The following RTL10 variants were observed in gnomAD, a reference collection of about 807,000 sequenced individuals.
RTL10 encodes protein Bop.
For synonymous variants in RTL10, 199 were observed against 188.4 expected (o/e 1.06, Z -0.46); for missense variants, 477 against 470.7 (o/e 1.01, Z -0.12).
intron 2 of RTL10, among the ~76,000 whole-genome samples, chr22:19,853,979 A>C (rs1039896190): frequency 6.6e-6 from 1 of 151,766 alleles, no homozygotes; most frequent in African/African-American, 2.4e-5. Flanking sequence ...CCAGTCCCCT[A>C]CCCTGCCCAC....
In RTL10 at chr22:19,850,035, C is replaced by G. The variant is rs981584032; in HGVS notation, c.*1132G>C. 1.0e-6 allele frequency: 1 copy of G among 985,782 alleles called. No individual in the cohort carries two copies. The allele number at this position is 985,782 out of a possible 1,614,324, so 61.1% of individuals were successfully genotyped here. On this transcript the variant is annotated 3_prime_UTR_variant, in exon 3 of 3. Transcript: ENST00000328554. ...TGGTCCTCACTTCACCTACAGCTCT[C>G]GGAAGTCAGTTCTCTACCTGCAGAG...
rs1938002744 is a variant in RTL10, at chr22:19,847,861, TAACATTGAAATCTTTA to T, written c.*3290_*3305del. On this transcript the variant is annotated 3_prime_UTR_variant, in exon 3 of 3. Coordinates refer to ENST00000328554, the MANE Select transcript of RTL10 (RefSeq NM_024627.6). ...TTTTCCTCTAGTACTTTCATAATTGTAACATTGAAATCTTTAATCTGGAATATGTACTGGCATAAAG... is the reference window on the plus strand; with the variant it reads ...TTTTCCTCTAGTACTTTCATAATTGTATCTGGAATATGTACTGGCATAAAG... 1.0e-6 allele frequency: 1 copy of T among 952,682 alleles called. No homozygotes were observed. The highest frequency in any genetic ancestry group is 6.3e-5 in the Admixed American group (1 of 15,998). The allele number at this position is 952,682 out of a possible 1,614,324, so 59.0% of individuals were successfully genotyped here.
rs1938000434 is a variant in RTL10, at chr22:19,847,818, A to AG, written c.*3348_*3349insC. 3.2e-6 allele frequency: 3 copies of AG among 944,248 alleles called. No individual in the cohort carries two copies. The African/African-American group carries it at 5.4e-5, about 17-fold the overall frequency. 58.5% of individuals were successfully genotyped at this position (944,248 alleles called of 1,614,324 possible). A position where few individuals can be genotyped will look rare whatever the true frequency, so the allele number is the denominator to read the frequency against. ...GGAATCATAGGCAAAAAAAAAAAAA[A>AG]AAAAAAATTCACCCATATTTTCCTC... is the stretch of plus-strand genomic sequence containing the variant. On this transcript the variant is annotated 3_prime_UTR_variant, in exon 3 of 3. Coordinates refer to ENST00000328554, the MANE Select transcript of RTL10 (RefSeq NM_024627.6).
rs1601357141 is a variant in RTL10 at position 19,850,621 on chromosome 22, T to C, written c.*546A>G. The C allele has an allele frequency of 2.5e-6, 3 of 1,217,312 alleles. No individual in the cohort carries two copies. The highest frequency in any genetic ancestry group is 3.1e-6 in the Non-Finnish European group (3 of 979,476). 75.4% of individuals were successfully genotyped at this position (1,217,312 alleles called of 1,614,324 possible). A position where few individuals can be genotyped will look rare whatever the true frequency, so the allele number is the denominator to read the frequency against. On this transcript the variant is annotated 3_prime_UTR_variant, in exon 3 of 3. Transcript: ENST00000328554. ...CTTTGCCAAGATGCTATCCCACTCA[T>C]CCCCCAGAATCAAAGTGGCCACTTC...
Position 19,849,172 on chromosome 22 carries a change from G to A in RTL10, c.*1995C>T. 1 of 985,370 alleles carries A rather than the reference G, an allele frequency of 1.0e-6. No individual in the cohort carries two copies. Among genetic ancestry groups the A allele is most frequent in the Non-Finnish European group, 1.2e-6 (1 of 829,922 alleles). The allele number at this position is 985,370 out of a possible 1,614,324, so 61.0% of individuals were successfully genotyped here. A position where few individuals can be genotyped will look rare whatever the true frequency, so the allele number is the denominator to read the frequency against. ...TTTCTTCTGCCAGCTCACTTGCTTT[G>A]CTACCAGGGCTATACCTGCTTTCTA... On this transcript the variant is annotated 3_prime_UTR_variant, in exon 3 of 3. Transcript: ENST00000328554.
chr22:19,852,556 G>A (rs766110604), intron 2 of RTL10, 70 bp from the exon 3 acceptor site: 2 of 383,906 alleles, frequency 5.2e-6, no homozygotes, highest in South Asian at 1.1e-4. Context: ...GGTGGGAAGA[G>A]GCTACAAGCG....
rs1267138413 is a variant in RTL10 at position 19,851,422 on chromosome 22, G to A, written c.840C>T (p.Ser280=). ...AGGCTGGTTCCACAGGACCAGGCTT[G>A]GAGCTACATGTAGAACTGGGCAGGA... is the stretch of plus-strand genomic sequence containing the variant. The part of the protein sequence containing the change: ...PPVLPSSTCS[S]KPGPVEPASS... The change falls in exon 3 of 3, where the codon TCC becomes TCT. Residue 280 remains serine, a synonymous_variant. Coordinates refer to ENST00000328554, the MANE Select transcript of RTL10 (RefSeq NM_024627.6). The A allele has an allele frequency of 2.5e-6, 4 of 1,614,072 alleles. No homozygotes were observed. The highest frequency in any genetic ancestry group is 3.3e-5 in the Admixed American group (2 of 60,024).
At position 19,847,819 on chromosome 22, in the gene RTL10, A is replaced by AAAAAAAAAAAAAAAAC; in HGVS notation, c.*3347_*3348insGTTTTTTTTTTTTTTT. On this transcript the variant is annotated 3_prime_UTR_variant, in exon 3 of 3. Transcript: ENST00000328554. ...GAATCATAGGCAAAAAAAAAAAAAAAAAAAAATTCACCCATATTTTCCTCT... is the reference window on the plus strand; with the variant it reads ...GAATCATAGGCAAAAAAAAAAAAAAAAAAAAAAAAAAAAAACAAAAAATTCACCCATATTTTCCTCT... 1.1e-6 allele frequency: 1 copy of AAAAAAAAAAAAAAAAC among 943,520 alleles called. No individual in the cohort carries two copies. Among genetic ancestry groups the AAAAAAAAAAAAAAAAC allele is most frequent in the Non-Finnish European group, 1.3e-6 (1 of 793,218 alleles). 58.4% of individuals were successfully genotyped at this position (943,520 alleles called of 1,614,324 possible). A position where few individuals can be genotyped will look rare whatever the true frequency, so the allele number is the denominator to read the frequency against.
At position 19,850,507 on chromosome 22, in the gene RTL10, G is replaced by A. The variant is rs1938069105; in HGVS notation, c.*660C>T. The A allele has an allele frequency of 1.7e-5, 18 of 1,052,502 alleles. No homozygotes were observed. The highest frequency in any genetic ancestry group is 2.1e-5 in the Non-Finnish European group (18 of 873,794). 65.2% of individuals were successfully genotyped at this position (1,052,502 alleles called of 1,614,324 possible). ...ACACAAAGGGCGAATGCCTGCAGCT[G>A]AGCCTGGCAAGGGGCTTGCATCCCA... On this transcript the variant is annotated 3_prime_UTR_variant, in exon 3 of 3. Transcript: ENST00000328554.
rs1196232901 is a variant in RTL10, at chr22:19,849,900, C to T, written c.*1267G>A. 1.0e-6 allele frequency: 1 copy of T among 985,352 alleles called. No homozygotes were observed. The allele number at this position is 985,352 out of a possible 1,614,324, so 61.0% of individuals were successfully genotyped here. A position where few individuals can be genotyped will look rare whatever the true frequency, so the allele number is the denominator to read the frequency against. ...TGCCTATCCTGTGGTAAACTTGGCT[C>T]CAGGAGCTTCCAAGCTCAGCTTCCA... On this transcript the variant is annotated 3_prime_UTR_variant, in exon 3 of 3. Coordinates refer to ENST00000328554, the MANE Select transcript of RTL10 (RefSeq NM_024627.6).
intron 2 of RTL10, 110 bp from the exon 3 acceptor site, chr22:19,852,596 T>G: frequency 6.9e-6 from 2 of 289,902 alleles, no homozygotes; most frequent in Non-Finnish European, 6.4e-6. Flanking sequence ...ACTAGGAGCT[T>G]TGAATGGAAG....
At position 19,850,368 on chromosome 22, in the gene RTL10, A is replaced by C. The variant is rs1938065085; in HGVS notation, c.*799T>G. On this transcript the variant is annotated 3_prime_UTR_variant, in exon 3 of 3. Transcript: ENST00000328554. ...CAAGTCATTTACACACTAGGGCTTAAGTGCTGAATCCGCAATGCATGCGAG... is the reference window on the plus strand; with the variant it reads ...CAAGTCATTTACACACTAGGGCTTACGTGCTGAATCCGCAATGCATGCGAG... 1 of 986,774 alleles carries C rather than the reference A, an allele frequency of 1.0e-6. No homozygotes were observed. The highest frequency in any genetic ancestry group is 4.7e-5 in the South Asian group (1 of 21,304). 61.1% of individuals were successfully genotyped at this position (986,774 alleles called of 1,614,324 possible).
rs1938072728 is a variant in RTL10 at position 19,850,676 on chromosome 22, G to A, written c.*491C>T. The A allele has an allele frequency of 8.1e-7, 1 of 1,230,640 alleles. No individual in the cohort carries two copies. The highest frequency in any genetic ancestry group is 1.6e-5 in the African/African-American group (1 of 64,508). 76.2% of individuals were successfully genotyped at this position (1,230,640 alleles called of 1,614,324 possible). A position where few individuals can be genotyped will look rare whatever the true frequency, so the allele number is the denominator to read the frequency against. On this transcript the variant is annotated 3_prime_UTR_variant, in exon 3 of 3. Transcript: ENST00000328554. The stretch of plus-strand genomic sequence containing the variant: ...AGGCAGCCTTCCTCACATTCCAGCT[G>A]GGACAGAAGTCACAGGGAGCAGAGA...
chr22:19,852,438 C>G lies in RTL10; in HGVS notation c.-177G>C, dbSNP rs949819180. On this transcript the variant is annotated 5_prime_UTR_variant, in exon 3 of 3. Coordinates refer to ENST00000328554, the MANE Select transcript of RTL10 (RefSeq NM_024627.6). ...GCTGACAGCTGCAGCCTCAGGAGAG[C>G]TGAGAAGAGCTGAGAGACTGTCAGT... 4.3e-5 allele frequency: 27 copies of G among 633,390 alleles called. No individual in the cohort carries two copies. Among genetic ancestry groups the G allele is most frequent in the Non-Finnish European group, 6.4e-5 (23 of 360,644 alleles). The allele number at this position is 633,390 out of a possible 1,614,324, so 39.2% of individuals were successfully genotyped here.
chr22:19,847,427 G>A lies in RTL10; in HGVS notation c.*3740C>T. 1.2e-5 allele frequency: 12 copies of A among 985,412 alleles called. No homozygotes were observed. The highest frequency in any genetic ancestry group is 1.4e-5 in the Non-Finnish European group (12 of 829,920). 61.0% of individuals were successfully genotyped at this position (985,412 alleles called of 1,614,324 possible). ...AAACAGTGACACCCATGAGGTGGGT[G>A]TTAGAGGGCCCAGACCCCAGCCAAG... On this transcript the variant is annotated 3_prime_UTR_variant, in exon 3 of 3. Coordinates refer to ENST00000328554, the MANE Select transcript of RTL10 (RefSeq NM_024627.6).
In RTL10 at chr22:19,852,169, G is replaced by T. The variant is rs1445373343; in HGVS notation, c.93C>A (p.Asp31Glu). Reference protein sequence around the residue: ...YANAHPWQQMDKASPGVAYTP... With the variant: ...YANAHPWQQMEKASPGVAYTP... Reference sequence around the variant, plus strand: ...TGTATGCCACCCCAGGAGACGCCTTGTCCATCTGCTGCCATGGATGTGCGT... The same window carrying T: ...TGTATGCCACCCCAGGAGACGCCTTTTCCATCTGCTGCCATGGATGTGCGT... Residue 31 changes from aspartate (D) to glutamate (E), a missense_variant, in exon 3 of 3, where the codon GAC (aspartate) becomes GAA (glutamate). Transcript: ENST00000328554. The T allele has an allele frequency of 6.2e-7, 1 of 1,614,080 alleles. No individual in the cohort carries two copies. The highest frequency in any genetic ancestry group is 1.1e-5 in the South Asian group (1 of 91,092).
rs1425089773 is a variant in RTL10, at chr22:19,849,008, T to G, written c.*2159A>C. 3.0e-6 allele frequency: 3 copies of G among 985,312 alleles called. No individual in the cohort carries two copies. Among genetic ancestry groups the G allele is most frequent in the Non-Finnish European group, 3.6e-6 (3 of 829,990 alleles). The allele number at this position is 985,312 out of a possible 1,614,324, so 61.0% of individuals were successfully genotyped here. On this transcript the variant is annotated 3_prime_UTR_variant, in exon 3 of 3. Transcript: ENST00000328554. ...ACTGGAGGTAGGCATCAGGGAGCAG[T>G]CTGACCCAACCCACAAAAGGGGGGA...
rs780079770 is a variant in RTL10, at chr22:19,850,068, C to T, written c.*1099G>A. On this transcript the variant is annotated 3_prime_UTR_variant, in exon 3 of 3. Coordinates refer to ENST00000328554, the MANE Select transcript of RTL10 (RefSeq NM_024627.6). ...AGTTCTCTACCTGCAGAGCCACCCA[C>T]CCCCTACTCAGCCCCACCCAGCTTC... 3.0e-6 allele frequency: 3 copies of T among 985,668 alleles called. No individual in the cohort carries two copies. Among genetic ancestry groups the T allele is most frequent in the Admixed American group, 6.1e-5 (1 of 16,274 alleles). The allele number at this position is 985,668 out of a possible 1,614,324, so 61.1% of individuals were successfully genotyped here. A position where few individuals can be genotyped will look rare whatever the true frequency, so the allele number is the denominator to read the frequency against.
At position 19,847,297 on chromosome 22, in the gene RTL10, G is replaced by T; in HGVS notation, c.*3870C>A. 1 of 984,636 alleles carries T rather than the reference G, an allele frequency of 1.0e-6. No homozygotes were observed. Among genetic ancestry groups the T allele is most frequent in the Non-Finnish European group, 1.2e-6 (1 of 829,156 alleles). The allele number at this position is 984,636 out of a possible 1,614,324, so 61.0% of individuals were successfully genotyped here. A position where few individuals can be genotyped will look rare whatever the true frequency, so the allele number is the denominator to read the frequency against. Reference sequence around the variant, plus strand: ...TGCGCTGTTGGAGATCTTTGTTACTGCAGCACAATCTGGCTCATGCTGACT... The same window carrying T: ...TGCGCTGTTGGAGATCTTTGTTACTTCAGCACAATCTGGCTCATGCTGACT... On this transcript the variant is annotated 3_prime_UTR_variant, in exon 3 of 3. Transcript: ENST00000328554.
Sources: allele counts gnomAD v4.1 joint callset (sites outside exome capture counted in the v4.1 genomes callset), GRCh38; gene constraint gnomAD v4.1.1; transcripts MANE v1.5; gene names NCBI Gene and HGNC (gene_info 2026-07-23, HGNC 2026-07-21).